The following DNAH1 variants were observed in gnomAD, a reference collection of about 807,000 sequenced individuals.
DNAH1 encodes the protein dynein axonemal heavy chain 1, also known as axonemal beta dynein heavy chain 1.
A neutral mutation model predicts 484.3 loss-of-function variants in DNAH1; 327 were observed. That is an observed-to-expected ratio of 0.68 (90% CI 0.62 to 0.74). DNAH1 has a LOEUF of 0.74. DNAH1 is among the 30% of genes least tolerant of loss of function. DNAH1 has a pLI of 0.00. For missense variants in DNAH1, 5,052 were observed against 5,546.8 expected, an observed-to-expected ratio of 0.91 and a Z score of 2.83; for synonymous variants, 2,192 against 2,191.9, an observed-to-expected ratio of 1.00 and a Z score of 0.00.
At chr3:52,371,855 C>T in intron 41 of DNAH1, 91 bp from the exon 42 acceptor site, 1 of 1,551,270 alleles carries the variant, frequency 6.4e-7, no homozygotes, top group Non-Finnish European at 8.7e-7. Context: ...CCGTGCAGCT[C>T]CTGGCCCTTC....
rs766071222 is a variant in DNAH1 at position 52,360,018 on chromosome 3, A to G, written c.4510A>G (p.Ser1504Gly). Reference protein sequence around the residue: ...VIEVHAKDVVSKLIQENVVSV... With the variant: ...VIEVHAKDVVGKLIQENVVSV... ...TGAGGTCCATGCCAAGGACGTGGTG[A>G]GCAAGCTAATCCAGGAGAACGTGGT... The change falls in exon 27 of 78, where the codon AGC becomes GGC. Residue 1504 changes from serine (S) to glycine (G), a missense_variant. This residue lies in a region of DNAH1 where 2,929 missense variants were observed against 3,409.4 expected (regional missense o/e 0.86). Coordinates refer to ENST00000420323, the MANE Select transcript of DNAH1 (RefSeq NM_015512.5). 2 of 1,613,940 alleles carry G rather than the reference A, an allele frequency of 1.2e-6. No individual in the cohort carries two copies. The highest frequency in any genetic ancestry group is 2.2e-5 in the South Asian group (2 of 91,092).
At chr3:52,377,588 G>A (rs780065587) in intron 46 of DNAH1, among the ~76,000 whole-genome samples, 2 of 151,944 alleles carry the variant, frequency 1.3e-5, no homozygotes, top group African/African-American at 4.8e-5. Context: ...TCCTCAGTTC[G>A]CCCTGCCTCA....
chr3:52,362,923 G>A lies in DNAH1; in HGVS notation c.5095-72G>A. 1 of 1,598,152 alleles carries A rather than the reference G, an allele frequency of 6.3e-7. No individual in the cohort carries two copies. Among genetic ancestry groups the A allele is most frequent in the Non-Finnish European group, 8.5e-7 (1 of 1,170,420 alleles). Reference sequence around the variant, plus strand: ...GGGAGTCCCAGCGTGTTAGGGAGGAGGGCCGGATGAAGCTGGGGGTGCTCT... The same window carrying A: ...GGGAGTCCCAGCGTGTTAGGGAGGAAGGCCGGATGAAGCTGGGGGTGCTCT... On this transcript the variant is annotated intron_variant, in intron 31 of 77. Coordinates refer to ENST00000420323, the MANE Select transcript of DNAH1 (RefSeq NM_015512.5). This position sits in a 1 kb window ranked among gnomAD's most constrained non-coding sequence, Gnocchi z 5.1.
intron 8 of DNAH1, among the ~76,000 whole-genome samples, chr3:52,343,084 TAGG>T (rs1239619199): frequency 6.6e-6 from 1 of 151,988 alleles, no homozygotes; most frequent in South Asian, 2.1e-4. Context: ...TGCAGCAGAA[TAGG>T]AGGGAGCCAC....
intron 43 of DNAH1, 142 bp downstream of exon 43, chr3:52,372,529 A>G: frequency 8.2e-7 from 1 of 1,213,504 alleles, no homozygotes; most frequent in Non-Finnish European, 1.1e-6. Context: ...CAATGGGCCC[A>G]GGGTTCCCTC....
In DNAH1 at chr3:52,368,365, G is replaced by A. The variant is rs1318193163; in HGVS notation, c.5766-376G>A. Among the ~76,000 whole-genome samples the A allele has an allele frequency of 6.6e-6, 1 of 152,138 alleles. No individual in the cohort carries two copies. Among genetic ancestry groups the A allele is most frequent in the East Asian group, 1.9e-4 (1 of 5,190 alleles). Reference sequence around the variant, plus strand: ...TGCCTCTGAGGTCTGAGTCCCCTGGGTTCTGAGGCAGGACCTGGCCACTTC... The same window carrying A: ...TGCCTCTGAGGTCTGAGTCCCCTGGATTCTGAGGCAGGACCTGGCCACTTC... On this transcript the variant is annotated intron_variant, in intron 36 of 77. Coordinates refer to ENST00000420323, the MANE Select transcript of DNAH1 (RefSeq NM_015512.5). This position sits in a 1 kb window ranked among gnomAD's most constrained non-coding sequence, Gnocchi z 4.4.
chr3:52,388,984 G>A, intron 59 of DNAH1, 47 bp downstream of exon 59: 1 of 1,537,848 alleles, frequency 6.5e-7, no homozygotes. Flanking sequence ...CCTTCCCAAA[G>A]AGACCCTTCC....
intron 15 of DNAH1, 113 bp from the exon 16 acceptor site, chr3:52,350,395 C>T: frequency 9.0e-7 from 1 of 1,113,458 alleles, no homozygotes; most frequent in Admixed American, 2.0e-5. Flanking sequence ...CCAGACCTCC[C>T]CATTCTGAAA....
chr3:52,397,377 A>G (rs2153225818), intron 73 of DNAH1, among the ~76,000 whole-genome samples: 1 of 152,210 alleles, frequency 6.6e-6, no homozygotes, highest in East Asian at 1.9e-4. Context: ...TTCCCCTAAG[A>G]TGTGTGAGGA....
At chr3:52,345,226 G>T (rs968933473) in intron 9 of DNAH1, among the ~76,000 whole-genome samples, 1 of 152,196 alleles carries the variant, frequency 6.6e-6, no homozygotes, top group African/African-American at 2.4e-5. Context: ...ATGAGGAGAG[G>T]GTTCTTGGTT....
At chr3:52,350,748 C>T (rs529790451) in intron 16 of DNAH1, among the ~76,000 whole-genome samples, 158 bp downstream of exon 16, 16 of 152,330 alleles carry the variant, frequency 1.1e-4, no homozygotes, top group African/African-American at 2.6e-4. Flanking sequence ...ACACATGGGC[C>T]GGGACCAGCC....
rs1275589768 is a variant in DNAH1 at position 52,375,303 on chromosome 3, G to T, written c.7049G>T (p.Arg2350Met). Residue 2350 changes from arginine (R) to methionine (M), a missense_variant, in exon 45 of 78, where the codon AGG becomes ATG. Physicochemically the swap from Arg to Met is moderately conservative, Grantham distance 91. Around this residue, in one of 4 missense-constraint regions of DNAH1, gnomAD observed 2,929 missense variants for 3,409.4 expected, o/e 0.86. Coordinates refer to ENST00000420323, the MANE Select transcript of DNAH1 (RefSeq NM_015512.5). ...VCAMGPPGGG[R>M]NTVTPRLMRH... Reference sequence around the variant, plus strand: ...GCCATGGGCCCCCCGGGTGGAGGCAGGAACACCGTCACCCCGCGGCTGATG... The same window carrying T: ...GCCATGGGCCCCCCGGGTGGAGGCATGAACACCGTCACCCCGCGGCTGATG... 6.2e-7 allele frequency: 1 copy of T among 1,612,592 alleles called. No individual in the cohort carries two copies. The highest frequency in any genetic ancestry group is 1.7e-5 in the Admixed American group (1 of 59,836).
rs1164477086 is a variant in DNAH1 at position 52,382,371 on chromosome 3, C to T, written c.7857C>T (p.Ser2619=). The T allele has an allele frequency of 9.3e-6, 15 of 1,613,996 alleles. No homozygotes were observed. Among genetic ancestry groups the T allele is most frequent in the South Asian group, 2.2e-5 (2 of 91,080 alleles). ...QIELSKNYGM[S]EWRDDVKKVL... is the part of the protein sequence containing the mutation. ...AACTATCCAAGAACTACGGCATGTCCGAGTGGCGAGATGATGTGAAGAAGG... is the reference window on the plus strand; with the variant it reads ...AACTATCCAAGAACTACGGCATGTCTGAGTGGCGAGATGATGTGAAGAAGG... The change falls in exon 50 of 78, where the codon TCC becomes TCT. Residue 2619 remains serine (S), a synonymous_variant. Coordinates refer to ENST00000420323, the MANE Select transcript of DNAH1 (RefSeq NM_015512.5).
Position 52,357,719 on chromosome 3 carries a change from A to T in DNAH1, c.3964A>T (p.Arg1322Trp). The change falls in exon 23 of 78, where the codon AGG becomes TGG. Residue 1322 changes from arginine (R) to tryptophan (W), a missense_variant. By Grantham distance (101) the Arg-to-Trp change is moderately radical (BLOSUM62 -3). This residue lies in a region of DNAH1 where 2,929 missense variants were observed against 3,409.4 expected (regional missense o/e 0.86). Coordinates refer to ENST00000420323, the MANE Select transcript of DNAH1 (RefSeq NM_015512.5). ...CCTCAGCGAGTATCTGGAGACCAAG[A>T]GGAGCGCCTTCCCCAGGTGGGCGCC... ...KGLSEYLETK[R>W]SAFPRFYFLS... is the part of the protein sequence containing the mutation. The T allele has an allele frequency of 6.3e-7, 1 of 1,580,030 alleles. No homozygotes were observed. Among genetic ancestry groups the T allele is most frequent in the Non-Finnish European group, 8.6e-7 (1 of 1,162,596 alleles).
intron 44 of DNAH1, chr3:52,374,630 T>A: frequency 1.3e-6 from 2 of 1,489,390 alleles, no homozygotes; most frequent in Non-Finnish European, 1.9e-6. Flanking sequence ...ACATCATGAG[T>A]TTAATCAGTG....
chr3:52,394,350 G>A, intron 66 of DNAH1, 115 bp from the exon 67 acceptor site: 1 of 999,800 alleles, frequency 1.0e-6, no homozygotes, highest in Non-Finnish European at 1.5e-6. Flanking sequence ...CATCCCCAAG[G>A]GAGACTCAGT....
In DNAH1 at chr3:52,396,552, G is replaced by A. The variant is rs563077716; in HGVS notation, c.11430+14G>A. The A allele has an allele frequency of 3.0e-5, 48 of 1,612,486 alleles. No individual in the cohort carries two copies. In the South Asian group the frequency reaches 3.7e-4, roughly 13 times the overall value. On this transcript the variant is annotated intron_variant, in intron 71 of 77. Coordinates refer to ENST00000420323, the MANE Select transcript of DNAH1 (RefSeq NM_015512.5). ...TCCTGCCACAAGGTGAGGCACACTT[G>A]GTGCAGGCCTACCCTACCTGCCCCC...
chr3:52,335,466 C>A (rs1411861459), intron 8 of DNAH1, among the ~76,000 whole-genome samples: 3 of 146,542 alleles, frequency 2.0e-5, no homozygotes, highest in Non-Finnish European at 4.5e-5. Flanking sequence ...TGCCACCACA[C>A]CCAGCTAATT....
At chr3:52,399,483 G>A (rs901737378) in intron 76 of DNAH1, 62 bp from the exon 77 acceptor site, 3 of 1,426,350 alleles carry the variant, frequency 2.1e-6, no homozygotes, top group Non-Finnish European at 2.9e-6. Context: ...GGAGTTTTGT[G>A]CCTCCTAACC....
Sources: allele counts gnomAD v4.1 joint callset (sites outside exome capture counted in the v4.1 genomes callset), GRCh38; gene constraint gnomAD v4.1.1; regional missense constraint gnomAD v4.1.1; non-coding constraint Gnocchi (gnomAD v3.1); transcripts MANE v1.5; gene names NCBI Gene and HGNC (gene_info 2026-07-23, HGNC 2026-07-21).